The following RGS12 variants were observed in gnomAD, a reference collection of about 807,000 sequenced individuals.
RGS12 encodes the protein regulator of G-protein signaling 12.
In RGS12, 66 loss-of-function variants were observed where a neutral mutation model predicts 120.1. The ratio of observed to expected loss-of-function variants is 0.55; its 90% CI spans 0.45 to 0.67. The LOEUF (loss-of-function observed/expected upper bound fraction) is 0.67. Among genes scored for constraint, RGS12 ranks in the 30% least tolerant of loss-of-function variants. The pLI, the probability that RGS12 is intolerant of heterozygous loss-of-function variation, is 0.00. For missense variants in RGS12, 1,859 were observed against 1,957.7 expected, an observed-to-expected ratio of 0.95 and a Z score of 0.95; for synonymous variants, 827 against 804.7, an observed-to-expected ratio of 1.03 and a Z score of -0.47.
intron 10 of RGS12, 127 bp from the exon 11 acceptor site, chr4:3,422,249 G>T (rs759784852): frequency 4.8e-6 from 4 of 833,964 alleles, no homozygotes; most frequent in Non-Finnish European, 7.4e-6. Context: ...GGAGCTGCAG[G>T]TGGGACCGTG....
chr4:3,328,488 A>G (rs900465453), intron 2 of RGS12, among the ~76,000 whole-genome samples: 3 of 152,144 alleles, frequency 2.0e-5, no homozygotes, highest in Non-Finnish European at 4.4e-5. Context: ...CTACCTCAGG[A>G]CTCTGTAGAG....
Position 3,396,829 on chromosome 4 carries a change from A to C in RGS12, c.2020+10392A>C, listed in dbSNP as rs558948583. ...CACTTTTGTCCAAGCTGGTTGAGAC[A>C]TAGCATTTCTGGAATCTGTGTTGAT... On this transcript the variant is annotated intron_variant, in intron 4 of 17. Coordinates refer to ENST00000336727, the MANE Select transcript of RGS12 (RefSeq NM_001394154.1). 3.6e-4 allele frequency among the ~76,000 whole-genome samples: 54 copies of C among 152,112 alleles called. 2 individuals are homozygous for C. In the East Asian group the frequency reaches 0.01, roughly 29 times the overall value.
intron 3 of RGS12, among the ~76,000 whole-genome samples, chr4:3,361,407 A>T (rs1560113207): frequency 1.3e-5 from 2 of 152,104 alleles, no homozygotes; most frequent in Non-Finnish European, 2.9e-5. Flanking sequence ...TGGCAGCTTG[A>T]TTGTGAGTAC....
intron 4 of RGS12, among the ~76,000 whole-genome samples, chr4:3,410,499 A>T (rs2109080514): frequency 6.6e-6 from 1 of 152,340 alleles, no homozygotes; most frequent in East Asian, 1.9e-4. Flanking sequence ...CTGTCCAGCC[A>T]GCTCTGGTCT....
Position 3,365,706 on chromosome 4 carries a change from T to A in RGS12, c.1999-20710T>A, listed in dbSNP as rs1298552470. ...TTCAGAATAAGCTCCTTTTACCCTG[T>A]CTCTTAGGTTTGCGACTTTGCTATT... On this transcript the variant is annotated intron_variant, in intron 3 of 17. Transcript: ENST00000336727. The surrounding 1 kb of genome is among the most constrained non-coding windows in gnomAD (Gnocchi z 4.0). Among the ~76,000 whole-genome samples the A allele has an allele frequency of 6.6e-6, 1 of 152,212 alleles. No individual in the cohort carries two copies. Among genetic ancestry groups the A allele is most frequent in the Non-Finnish European group, 1.5e-5 (1 of 68,038 alleles).
In RGS12 at chr4:3,427,385, C is replaced by T. The variant is rs577498451; in HGVS notation, c.3332-705C>T. Among the ~76,000 whole-genome samples the T allele has an allele frequency of 3.3e-5, 5 of 152,336 alleles. No individual in the cohort carries two copies. The East Asian group carries it at 5.8e-4, about 18-fold the overall frequency. On this transcript the variant is annotated intron_variant, in intron 14 of 17. Coordinates refer to ENST00000336727, the MANE Select transcript of RGS12 (RefSeq NM_001394154.1). ...TGGGCCACAGAAATGGGCTTGAGGC[C>T]GTTAGTGCCAGCAGAGGCCAGCCTG...
intron 1 of RGS12, among the ~76,000 whole-genome samples, chr4:3,313,619 T>A (rs1020193045): frequency 2.0e-5 from 3 of 152,230 alleles, no homozygotes. Flanking sequence ...ACCTGGCTGA[T>A]GGCAGGTGTG....
intron 1 of RGS12, chr4:3,312,434 T>C (rs56136832): frequency 0.06 from 12,414 of 208,094 alleles, 1,402 homozygotes; most frequent in African/African-American, 0.25. Context: ...GTGAACACTG[T>C]GGACCTGTGA....
In RGS12 at chr4:3,423,620, C is replaced by T. The variant is rs562548840; in HGVS notation, c.3213C>T (p.Leu1071=). The T allele has an allele frequency of 6.1e-4, 978 of 1,610,016 alleles. 26 individuals carry two copies. The South Asian group carries it at 0.01, about 17-fold the overall frequency. ...RPVVARYGLD[L]SGLLVRLSGE... ...TGGTGGCCAGATACGGCCTGGACCT[C>T]AGTGGCCTGCTGGTGAGGCTGGTGA... The change falls in exon 13 of 18, where the codon CTC becomes CTT. Residue 1071 remains leucine, a synonymous_variant. Coordinates refer to ENST00000336727, the MANE Select transcript of RGS12 (RefSeq NM_001394154.1).
rs1416355918 is a variant in RGS12 at position 3,389,945 on chromosome 4, C to A, written c.2020+3508C>A. 6.6e-6 allele frequency among the ~76,000 whole-genome samples: 1 copy of A among 152,172 alleles called. No individual in the cohort carries two copies. The highest frequency in any genetic ancestry group is 1.5e-5 in the Non-Finnish European group (1 of 68,030). On this transcript the variant is annotated intron_variant, in intron 4 of 17. Transcript: ENST00000336727. This position sits in a 1 kb window ranked among gnomAD's most constrained non-coding sequence, Gnocchi z 5.2. ...CCTCATGCCTTGTGCCTCAGCTCTG[C>A]CCTGACCCCACTCTGTCCACTCAGC... is the stretch of plus-strand genomic sequence containing the variant.
intron 15 of RGS12, 77 bp from the exon 16 acceptor site, chr4:3,428,481 T>C: frequency 7.9e-7 from 1 of 1,259,660 alleles, no homozygotes; most frequent in Non-Finnish European, 1.1e-6. Context: ...CATAGAGCCT[T>C]CTACTCTCTA....
intron 2 of RGS12, among the ~76,000 whole-genome samples, chr4:3,336,627 T>C (rs1256289126): frequency 6.6e-6 from 1 of 152,256 alleles, no homozygotes; most frequent in Non-Finnish European, 1.5e-5. Context: ...CTTGCCCCAC[T>C]GGGGCTTAGG....
Position 3,431,662 on chromosome 4 carries a change from T to A in RGS12, c.4114+707T>A, listed in dbSNP as rs1207510257. On this transcript the variant is annotated intron_variant, in intron 17 of 17. Transcript: ENST00000336727. ...CTGAGGCGAGGCTCCCAGCAGCCGG[T>A]AGGGAAAGGTGTTTCCAGGGGTCCG... 4.1e-6 allele frequency: 4 copies of A among 985,566 alleles called. No homozygotes were observed. In the African/African-American group the frequency reaches 7.0e-5, roughly 17 times the overall value. 61.1% of individuals were successfully genotyped at this position (985,566 alleles called of 1,614,324 possible).
chr4:3,343,682 G>A (rs941631109), intron 3 of RGS12, among the ~76,000 whole-genome samples: 5 of 151,838 alleles, frequency 3.3e-5, no homozygotes, highest in African/African-American at 4.8e-5. Flanking sequence ...ACAAATGTCC[G>A]TGCCGTGCAC....
At chr4:3,429,654 C>T (rs1420495834) in intron 16 of RGS12, among the ~76,000 whole-genome samples, 3 of 152,234 alleles carry the variant, frequency 2.0e-5, no homozygotes, top group Admixed American at 6.5e-5. Context: ...CTAGAAAACC[C>T]AGCCCAGGTA....
At chr4:3,309,531 G>C (rs1399514529) in intron 1 of RGS12, among the ~76,000 whole-genome samples, 1 of 129,016 alleles carries the variant, frequency 7.8e-6, no homozygotes, top group African/African-American at 3.1e-5. Context: ...TCTGAGGAGA[G>C]CTGAGCAGGA....
At chr4:3,370,822 C>T (rs1255866743) in intron 3 of RGS12, among the ~76,000 whole-genome samples, 3 of 152,092 alleles carry the variant, frequency 2.0e-5, no homozygotes, top group African/African-American at 4.8e-5. Flanking sequence ...ACTATATAAG[C>T]TTATGAAGTT....
At chr4:3,324,200 G>C (rs774842511) in intron 2 of RGS12, 1 of 153,256 alleles carries the variant, frequency 6.5e-6, no homozygotes, top group African/African-American at 2.4e-5. Flanking sequence ...CGGGCTTGAC[G>C]CCCTCGTCAG....
At chr4:3,371,786 C>G (rs1047719832) in intron 3 of RGS12, among the ~76,000 whole-genome samples, 1 of 152,100 alleles carries the variant, frequency 6.6e-6, no homozygotes, top group Admixed American at 6.5e-5. Context: ...GGTAGTTGTT[C>G]TAAAAAATGG....
Sources: gnomAD v4.1 joint callset for allele counts (sites outside exome capture counted in the v4.1 genomes callset) on GRCh38, gnomAD v4.1.1 for gene constraint, Gnocchi (gnomAD v3.1) non-coding constraint, MANE v1.5 for transcripts, NCBI Gene and HGNC (gene_info 2026-07-23, HGNC 2026-07-21) for gene names.